Variants in SMARCA2 observed in about 807,000 individuals in gnomAD.
SMARCA2 encodes SWI/SNF related BAF chromatin remodeling complex subunit ATPase 2.
In SMARCA2, 61 loss-of-function variants were observed where a neutral mutation model predicts 199.8. The ratio of observed to expected loss-of-function variants is 0.31; its 90% CI spans 0.25 to 0.38. The LOEUF (loss-of-function observed/expected upper bound fraction) is 0.38. SMARCA2 is among the 10% of genes least tolerant of loss of function. The pLI is 1.00. For missense variants in SMARCA2, 1,344 were observed against 2,012.2 expected (o/e 0.67, Z 6.35); for synonymous variants, 935 against 732.0 (o/e 1.28, Z -4.48).
At chr9:2,094,962 G>A (rs1166966731) in intron 19 of SMARCA2, among the ~76,000 whole-genome samples, 1 of 151,944 alleles carries the variant, frequency 6.6e-6, no homozygotes, top group East Asian at 1.9e-4. Context: ...ATTTCACAAT[G>A]TTTATGTATA....
At chr9:2,075,378 A>G (rs1462342060) in intron 12 of SMARCA2, 1 of 152,222 alleles carries the variant, frequency 6.6e-6, no homozygotes, top group Non-Finnish European at 1.5e-5. Flanking sequence ...GTCTGGAAAG[A>G]TTTAGCCTTC....
At chr9:2,096,803 T>C in intron 20 of SMARCA2, 39 bp downstream of exon 20, 1 of 1,180,338 alleles carries the variant, frequency 8.5e-7, no homozygotes, top group South Asian at 1.2e-5. Context: ...GGTGCTGTGG[T>C]ATGTCTTCTC....
chr9:2,140,979 T>G (rs1191454557), intron 27 of SMARCA2, among the ~76,000 whole-genome samples: 1 of 152,248 alleles, frequency 6.6e-6, no homozygotes, highest in East Asian at 1.9e-4. Context: ...TGATTTTTGC[T>G]TCCTCTCTGA....
chr9:2,066,586 G>C (rs930901815), intron 9 of SMARCA2, among the ~76,000 whole-genome samples: 4 of 152,148 alleles, frequency 2.6e-5, no homozygotes, highest in Non-Finnish European at 5.9e-5. Flanking sequence ...ACATGATTAG[G>C]TTAATTATAC....
At chr9:2,187,453 C>T (rs1367718106) in intron 32 of SMARCA2, among the ~76,000 whole-genome samples, 1 of 152,100 alleles carries the variant, frequency 6.6e-6, no homozygotes, top group Non-Finnish European at 1.5e-5. Flanking sequence ...AGAAGGATAG[C>T]TTGAGGCTAG....
chr9:2,172,344 G>T (rs1214775623), intron 29 of SMARCA2, among the ~76,000 whole-genome samples: 1 of 151,304 alleles, frequency 6.6e-6, no homozygotes, highest in Admixed American at 6.6e-5. Flanking sequence ...CACAGGGTGG[G>T]ATGGGAAGGG....
rs1032607191 is a variant in SMARCA2 at position 2,070,293 on chromosome 9, C to T, written c.1693-125C>T. 7 of 772,856 alleles carry T rather than the reference C, an allele frequency of 9.1e-6. No individual in the cohort carries two copies. In the East Asian group the frequency reaches 1.3e-4, roughly 15 times the overall value. The allele number at this position is 772,856 out of a possible 1,614,324, so 47.9% of individuals were successfully genotyped here. A position where few individuals can be genotyped will look rare whatever the true frequency, so the allele number is the denominator to read the frequency against. On this transcript the variant is annotated intron_variant, in intron 9 of 33. Coordinates refer to ENST00000349721, the MANE Select transcript of SMARCA2 (RefSeq NM_003070.5). ...GACAAATGAACATAAAAGGCATTAA[C>T]ACTTAAGCTGTGTTAGATAATAATG...
At chr9:2,069,219 A>G (rs1820980365) in intron 9 of SMARCA2, among the ~76,000 whole-genome samples, 3 of 151,586 alleles carry the variant, frequency 2.0e-5, no homozygotes. Context: ...CCCGGCCGAT[A>G]TGACATAATC....
In SMARCA2 at chr9:2,170,302, A is replaced by C. The variant is rs1358697150; in HGVS notation, c.4200-117A>C. The C allele has an allele frequency of 1.6e-6, 2 of 1,272,702 alleles. No individual in the cohort carries two copies. The highest frequency in any genetic ancestry group is 2.2e-5 in the Admixed American group (1 of 45,896). The allele number at this position is 1,272,702 out of a possible 1,614,324, so 78.8% of individuals were successfully genotyped here. ...ATAACCCCGTGTAATCTTCCTAACA[A>C]GGCAGGTTGGTGAGGAGACTGAGGC... is the stretch of plus-strand genomic sequence containing the variant. On this transcript the variant is annotated intron_variant, in intron 28 of 33. Coordinates refer to ENST00000349721, the MANE Select transcript of SMARCA2 (RefSeq NM_003070.5). The surrounding 1 kb of genome is among the most constrained non-coding windows in gnomAD (Gnocchi z 4.7).
rs138216428 is a variant in SMARCA2, at chr9:2,117,491, T to G, written c.3684+1442T>G. Among the ~76,000 whole-genome samples the G allele has an allele frequency of 2.8e-3, 422 of 152,364 alleles. 2 individuals carry two copies. The highest frequency in any genetic ancestry group is 9.5e-3 in the African/African-American group (396 of 41,570). On this transcript the variant is annotated intron_variant, in intron 25 of 33. Transcript: ENST00000349721. ...TCAAATTGTCAGGTGATTTTTTTGT[T>G]GTTTATACACTTGGACATTTCCAAA...
In SMARCA2 at chr9:2,110,827, C is replaced by G. The variant is rs565857633; in HGVS notation, c.3456+410C>G. 6.6e-6 allele frequency among the ~76,000 whole-genome samples: 1 copy of G among 152,166 alleles called. No homozygotes were observed. Among genetic ancestry groups the G allele is most frequent in the Non-Finnish European group, 1.5e-5 (1 of 68,038 alleles). On this transcript the variant is annotated intron_variant, in intron 24 of 33. Transcript: ENST00000349721. The surrounding 1 kb of genome is among the most constrained non-coding windows in gnomAD (Gnocchi z 4.8). ...TCAGTTTTACGACAACCCTGTCAGA[C>G]GGTTAATATGATTTGAATCTTTGCA...
At chr9:2,084,437 G>A (rs939019234) in intron 17 of SMARCA2, among the ~76,000 whole-genome samples, 2 of 149,534 alleles carry the variant, frequency 1.3e-5, no homozygotes, top group African/African-American at 2.5e-5. Flanking sequence ...ATCCTGGGGC[G>A]GCTCTTGTCT....
intron 5 of SMARCA2, among the ~76,000 whole-genome samples, chr9:2,050,122 C>T (rs753628231): frequency 1.3e-5 from 2 of 152,098 alleles, no homozygotes; most frequent in African/African-American, 2.4e-5. Context: ...AAAATCAGAA[C>T]GTTGACAAAT....
rs1490673389 is a variant in SMARCA2, at chr9:2,047,551, G to A, written c.1046+67G>A. 2.4e-6 allele frequency: 3 copies of A among 1,231,356 alleles called. No individual in the cohort carries two copies. The African/African-American group carries it at 4.7e-5, about 19-fold the overall frequency. 76.3% of individuals were successfully genotyped at this position (1,231,356 alleles called of 1,614,324 possible). A position where few individuals can be genotyped will look rare whatever the true frequency, so the allele number is the denominator to read the frequency against. ...GCACCTGCCGCCCAAGCCGAGGGGG[G>A]TGAGGCGCCTGCCTCCTTGGTTGGC... On this transcript the variant is annotated intron_variant, in intron 5 of 33. Transcript: ENST00000349721.
intron 3 of SMARCA2, among the ~76,000 whole-genome samples, chr9:2,038,363 T>C (rs754426457): frequency 3.9e-5 from 6 of 152,296 alleles, no homozygotes; most frequent in Non-Finnish European, 8.8e-5. Context: ...TGATTCCCCT[T>C]ACCATTTCTA....
chr9:2,124,071 A>C, intron 27 of SMARCA2, 134 bp downstream of exon 27: 1 of 721,644 alleles, frequency 1.4e-6, no homozygotes, highest in Non-Finnish European at 2.5e-6. Flanking sequence ...TTGAACACAG[A>C]AGATAAAGTC....
chr9:2,168,976 C>A (rs1360851534), intron 28 of SMARCA2, among the ~76,000 whole-genome samples: 1 of 151,716 alleles, frequency 6.6e-6, no homozygotes, highest in Non-Finnish European at 1.5e-5. Flanking sequence ...TTCAGGTTTT[C>A]CTCCCGTCAC....
At chr9:2,175,117 G>A (rs1009562627) in intron 29 of SMARCA2, among the ~76,000 whole-genome samples, 10 of 151,922 alleles carry the variant, frequency 6.6e-5, no homozygotes, top group African/African-American at 1.9e-4. Context: ...AGGAAGCTGC[G>A]GGTCATCCGG....
At chr9:2,038,247 C>T (rs1586633611) in intron 3 of SMARCA2, among the ~76,000 whole-genome samples, 1 of 152,224 alleles carries the variant, frequency 6.6e-6, no homozygotes, top group African/African-American at 2.4e-5. Flanking sequence ...AACTGGTTTA[C>T]TCTCTGAGCC....
Sources: allele counts gnomAD v4.1 joint callset (sites outside exome capture counted in the v4.1 genomes callset), GRCh38; gene constraint gnomAD v4.1.1; non-coding constraint Gnocchi (gnomAD v3.1); transcripts MANE v1.5; gene names NCBI Gene and HGNC (gene_info 2026-07-23, HGNC 2026-07-21).